Variants in OTUD7A observed in about 807,000 individuals in gnomAD.
The protein encoded by OTUD7A is OTU deubiquitinase 7A.
In OTUD7A, 12 loss-of-function variants were observed where a neutral mutation model predicts 65.7. That is an observed-to-expected ratio of 0.18 (90% CI 0.12 to 0.30). The LOEUF (loss-of-function observed/expected upper bound fraction) is 0.30. Among genes scored for constraint, OTUD7A ranks in the 10% least tolerant of loss-of-function variants. The pLI, the probability that OTUD7A is intolerant of heterozygous loss-of-function variation, is 1.00. For missense variants in OTUD7A, 1,148 were observed against 1,304.8 expected, an observed-to-expected ratio of 0.88 and a Z score of 1.85; for synonymous variants, 641 against 586.3, an observed-to-expected ratio of 1.09 and a Z score of -1.35.
At chr15:31,664,529 TTG>T (rs1454965449) in intron 1 of OTUD7A, among the ~76,000 whole-genome samples, 1 of 132,606 alleles carries the variant, frequency 7.5e-6, no homozygotes, top group Non-Finnish European at 1.6e-5. Flanking sequence ...TCTTACTGAT[TTG>T]AGTTTGTGGT....
chr15:31,784,423 G>A (rs1267444597), intron 1 of OTUD7A, among the ~76,000 whole-genome samples: 2 of 148,262 alleles, frequency 1.3e-5, no homozygotes, highest in African/African-American at 4.8e-5. Context: ...TAAGCCAGTC[G>A]AAATTTACTA....
At chr15:31,835,376 T>A (rs1184936505) in intron 1 of OTUD7A, among the ~76,000 whole-genome samples, 1 of 152,246 alleles carries the variant, frequency 6.6e-6, no homozygotes, top group South Asian at 2.1e-4. Flanking sequence ...CGTATTATTA[T>A]CATCTTCCAG....
chr15:31,711,370 C>G (rs1004274312), intron 1 of OTUD7A, among the ~76,000 whole-genome samples: 5 of 151,974 alleles, frequency 3.3e-5, no homozygotes, highest in Admixed American at 2.6e-4. Context: ...GTTCTGTCTC[C>G]CAGGATGCAG....
intron 10 of OTUD7A, among the ~76,000 whole-genome samples, chr15:31,490,651 A>G (rs1437641642): frequency 6.6e-6 from 1 of 152,272 alleles, no homozygotes; most frequent in Non-Finnish European, 1.5e-5. Flanking sequence ...TTAAATTGGT[A>G]AAGGAACAGT....
At chr15:31,550,524 T>C (rs1050679948) in intron 5 of OTUD7A, among the ~76,000 whole-genome samples, 6 of 152,114 alleles carry the variant, frequency 3.9e-5, no homozygotes, top group Admixed American at 3.3e-4. Context: ...GGAACCTCAG[T>C]CATTCAGCTG....
intron 5 of OTUD7A, among the ~76,000 whole-genome samples, chr15:31,550,628 A>T (rs1388797467): frequency 2.0e-5 from 3 of 152,152 alleles, no homozygotes; most frequent in Non-Finnish European, 2.9e-5. Flanking sequence ...GCCTTGAGAG[A>T]CTATGAGCAG....
chr15:31,686,031 G>T (rs1328531517), intron 1 of OTUD7A, among the ~76,000 whole-genome samples: 1 of 152,214 alleles, frequency 6.6e-6, no homozygotes, highest in African/African-American at 2.4e-5. Context: ...TCTTTCCATG[G>T]CTCAGCACCA....
chr15:31,855,077 G>A (rs543002210), intron 1 of OTUD7A, among the ~76,000 whole-genome samples: 2 of 152,078 alleles, frequency 1.3e-5, no homozygotes, highest in African/African-American at 2.4e-5. Flanking sequence ...TAACATTCTT[G>A]AATTGTTAAC....
At chr15:31,697,883 T>G (rs552513218) in intron 1 of OTUD7A, among the ~76,000 whole-genome samples, 21 of 152,298 alleles carry the variant, frequency 1.4e-4, no homozygotes, top group Admixed American at 5.2e-4. Flanking sequence ...TTATCCCAGC[T>G]TGAAGACACT....
chr15:31,535,674 GTTTT>G (rs55826357), intron 5 of OTUD7A, among the ~76,000 whole-genome samples: 2 of 112,036 alleles, frequency 1.8e-5, no homozygotes, highest in African/African-American at 3.7e-5. Flanking sequence ...TTCTGTTTTT[GTTTT>G]TTTTTTTTTT....
At chr15:31,711,402 G>A (rs2141337597) in intron 1 of OTUD7A, among the ~76,000 whole-genome samples, 1 of 151,714 alleles carries the variant, frequency 6.6e-6, no homozygotes, top group Middle Eastern at 3.4e-3. Context: ...ATAACTGGAA[G>A]CCCACATAAA....
intron 3 of OTUD7A, among the ~76,000 whole-genome samples, chr15:31,641,344 G>A (rs1214086517): frequency 6.6e-6 from 1 of 152,120 alleles, no homozygotes; most frequent in Non-Finnish European, 1.5e-5. Context: ...CCAGTCTTGG[G>A]TATTTCTTCA....
At chr15:31,595,740 T>C (rs533120628) in intron 3 of OTUD7A, among the ~76,000 whole-genome samples, 1 of 152,356 alleles carries the variant, frequency 6.6e-6, no homozygotes, top group South Asian at 2.1e-4. Context: ...TGGTCCCTCC[T>C]GGAGGCTTGA....
intron 9 of OTUD7A, among the ~76,000 whole-genome samples, chr15:31,502,503 CT>C (rs1280951076): frequency 6.6e-6 from 1 of 152,170 alleles, no homozygotes; most frequent in African/African-American, 2.4e-5. Context: ...TGCTGCACTC[CT>C]TGAGCAGAAT....
intron 1 of OTUD7A, among the ~76,000 whole-genome samples, chr15:31,841,991 TAATAGCCCAAACTGGCGAC>T (rs1402741361): frequency 6.6e-6 from 1 of 152,214 alleles, no homozygotes; most frequent in African/African-American, 2.4e-5. Flanking sequence ...ATACTGTTCA[TAATAGCCCAAACTGGCGAC>T]CACCTGCATG....
At chr15:31,837,914 T>A (rs1054185105) in intron 1 of OTUD7A, among the ~76,000 whole-genome samples, 4 of 152,212 alleles carry the variant, frequency 2.6e-5, no homozygotes, top group Non-Finnish European at 1.5e-5. Context: ...CAGTGTAGTA[T>A]TGGTAGAGGA....
At chr15:31,577,199 G>A (rs1239728121) in intron 3 of OTUD7A, among the ~76,000 whole-genome samples, 2 of 152,058 alleles carry the variant, frequency 1.3e-5, no homozygotes, top group Non-Finnish European at 2.9e-5. Flanking sequence ...CTCCATTAAC[G>A]CAGCTAGCAC....
Position 31,483,567 on chromosome 15 carries a change from G to A in OTUD7A, c.2529C>T (p.Gly843=), listed in dbSNP as rs989678152. The A allele has an allele frequency of 7.0e-6, 9 of 1,290,544 alleles. No individual in the cohort carries two copies. Among genetic ancestry groups the A allele is most frequent in the African/African-American group, 6.3e-5 (4 of 63,104 alleles). The allele number at this position is 1,290,544 out of a possible 1,614,324, so 79.9% of individuals were successfully genotyped here. Residue 843 remains glycine (G), a synonymous_variant, in exon 13 of 13, where the codon GGC becomes GGT. Coordinates refer to ENST00000307050, the MANE Select transcript of OTUD7A (RefSeq NM_001382637.1). ...CGGCCGCCCCCGCCGTCCCCGCCGC[G>A]CCCGGTAGGGCCCCGGGCACCGCGC... ...LARAVPGALP[G]AAGTAGAAEH...
chr15:31,662,129 C>A (rs4041948), intron 1 of OTUD7A, among the ~76,000 whole-genome samples: 46,552 of 152,028 alleles, frequency 0.31, 8,342 homozygotes, highest in African/African-American at 0.49. Context: ...CTGTGATGGT[C>A]GCAGCCACTG....
Sources: allele counts gnomAD v4.1 joint callset (sites outside exome capture counted in the v4.1 genomes callset), GRCh38; gene constraint gnomAD v4.1.1; transcripts MANE v1.5; gene names NCBI Gene and HGNC (gene_info 2026-07-23, HGNC 2026-07-21).